Variants in KICS2 observed in about 807,000 individuals in gnomAD.
KICS2 encodes the protein KICSTOR subunit 2.
Under a neutral mutation model 31.4 loss-of-function variants are expected in KICS2, and 13 were observed. The ratio of observed to expected loss-of-function variants is 0.41; its 90% CI spans 0.27 to 0.66. KICS2 has a LOEUF of 0.66. KICS2 is among the 30% of genes least tolerant of loss of function. The pLI, the probability that KICS2 is intolerant of heterozygous loss-of-function variation, is 0.28. For missense variants in KICS2, 455 were observed against 545.4 expected (o/e 0.83, Z 1.65); for synonymous variants, 209 against 214.8 (o/e 0.97, Z 0.24).
At chr12:64,209,374 C>T (rs1322957075) in intron 2 of KICS2, among the ~76,000 whole-genome samples, 1 of 152,032 alleles carries the variant, frequency 6.6e-6, no homozygotes, top group African/African-American at 2.4e-5. Flanking sequence ...CACCTGAGGT[C>T]AGGGGTTCAA....
downstream of KICS2, chr12:64,186,684 C>T (rs1304574902): frequency 6.6e-6 from 1 of 152,138 alleles, no homozygotes; most frequent in Non-Finnish European, 1.5e-5. Context: ...GGGAGGTATG[C>T]AAGTAACAAG....
chr12:64,217,396 G>A (rs765646595), intron 1 of KICS2, among the ~76,000 whole-genome samples: 5 of 151,892 alleles, frequency 3.3e-5, no homozygotes, highest in Non-Finnish European at 7.4e-5. Flanking sequence ...TGGCTTCCCT[G>A]GGCCACATTA....
At chr12:64,198,959 G>C (rs373053054) in intron 2 of KICS2, among the ~76,000 whole-genome samples, 2 of 149,572 alleles carry the variant, frequency 1.3e-5, no homozygotes, top group African/African-American at 5.0e-5. Context: ...GGCAATAATC[G>C]ATAGTTTACC....
In KICS2 at chr12:64,222,263, C is replaced by G. The variant is rs2037692456; in HGVS notation, c.-26G>C. 1.9e-6 allele frequency: 3 copies of G among 1,610,076 alleles called. No individual in the cohort carries two copies. Among genetic ancestry groups the G allele is most frequent in the Admixed American group, 3.4e-5 (2 of 59,446 alleles). The stretch of plus-strand genomic sequence containing the variant: ...GCGAGCTGCGCCCCAGCTCGACCCA[C>G]GTGGCTCTCCTCGGCCTCGCACTTC... On this transcript the variant is annotated 5_prime_UTR_variant, in exon 1 of 3. Transcript: ENST00000398055.
chr12:64,192,559 C>A lies in KICS2; in HGVS notation c.*1283G>T. 1.0e-6 allele frequency: 1 copy of A among 972,208 alleles called. No homozygotes were observed. The highest frequency in any genetic ancestry group is 1.2e-6 in the Non-Finnish European group (1 of 817,944). The allele number at this position is 972,208 out of a possible 1,614,324, so 60.2% of individuals were successfully genotyped here. ...CACCCAGTAAAACAGTGGCTCCACA[C>A]AATCATGGGAAAAAAGACGAATATG... On this transcript the variant is annotated 3_prime_UTR_variant, in exon 3 of 3. Coordinates refer to ENST00000398055, the MANE Select transcript of KICS2 (RefSeq NM_152440.5).
At chr12:64,187,700 G>A (rs894841605), downstream of KICS2, 1 of 1,447,556 alleles carries the variant, frequency 6.9e-7, no homozygotes, top group African/African-American at 1.4e-5. Flanking sequence ...TAAACCTACA[G>A]GGCTTTTGTG....
downstream of KICS2, among the ~76,000 whole-genome samples, chr12:64,189,279 T>A (rs74097945): frequency 0.028 from 4,259 of 152,344 alleles, 205 homozygotes; most frequent in African/African-American, 0.097. Context: ...TTTGTAGATG[T>A]ATTCTGGCTA....
chr12:64,193,565 T>C lies in KICS2; in HGVS notation c.*277A>G. On this transcript the variant is annotated 3_prime_UTR_variant, in exon 3 of 3. Coordinates refer to ENST00000398055, the MANE Select transcript of KICS2 (RefSeq NM_152440.5). ...AAAAAAGCCCAATAAATATTCAATC[T>C]ACAAGAAATATAGCAAAATAGGGGA... 1 of 1,168,618 alleles carries C rather than the reference T, an allele frequency of 8.6e-7. No individual in the cohort carries two copies. Among genetic ancestry groups the C allele is most frequent in the Non-Finnish European group, 1.1e-6 (1 of 947,578 alleles). The allele number at this position is 1,168,618 out of a possible 1,614,324, so 72.4% of individuals were successfully genotyped here.
intron 2 of KICS2, among the ~76,000 whole-genome samples, chr12:64,196,024 AG>A (rs2037432889): frequency 6.6e-6 from 1 of 152,150 alleles, no homozygotes; most frequent in Non-Finnish European, 1.5e-5. Flanking sequence ...AGGCTGGGGG[AG>A]GGGCGCCCGC....
intron 2 of KICS2, among the ~76,000 whole-genome samples, chr12:64,213,960 ACT>A (rs892424841): frequency 1.3e-5 from 2 of 152,186 alleles, no homozygotes; most frequent in Non-Finnish European, 2.9e-5. Context: ...CTCCTATCCC[ACT>A]GTCTTGCAAC....
downstream of KICS2, chr12:64,187,415 A>G (rs2037346674): frequency 1.8e-6 from 1 of 560,384 alleles, no homozygotes; most frequent in South Asian, 2.5e-5. Flanking sequence ...TATTTTACAC[A>G]TACCCTACGG....
rs2037396700 is a variant in KICS2, at chr12:64,193,103, CAT to C, written c.*737_*738del. 4 of 985,348 alleles carry C rather than the reference CAT, an allele frequency of 4.1e-6. No individual in the cohort carries two copies. The highest frequency in any genetic ancestry group is 9.4e-5 in the South Asian group (2 of 21,294). The allele number at this position is 985,348 out of a possible 1,614,324, so 61.0% of individuals were successfully genotyped here. A position where few individuals can be genotyped will look rare whatever the true frequency, so the allele number is the denominator to read the frequency against. Reference sequence around the variant, plus strand: ...TATGCTGAAGAATGAAGAAAGCCCACATGATGGCTTATGCTGACTTTACAACA... The same window carrying C: ...TATGCTGAAGAATGAAGAAAGCCCACGATGGCTTATGCTGACTTTACAACA... On this transcript the variant is annotated 3_prime_UTR_variant, in exon 3 of 3. Transcript: ENST00000398055.
At position 64,192,639 on chromosome 12, in the gene KICS2, T is replaced by C; in HGVS notation, c.*1203A>G. 1 of 985,448 alleles carries C rather than the reference T, an allele frequency of 1.0e-6. No individual in the cohort carries two copies. The allele number at this position is 985,448 out of a possible 1,614,324, so 61.0% of individuals were successfully genotyped here. On this transcript the variant is annotated 3_prime_UTR_variant, in exon 3 of 3. Transcript: ENST00000398055. Reference sequence around the variant, plus strand: ...AACCATCAAACCAGTAACAACTCAATTACTCTTTGTGGCTTCTTTTTATTT... The same window carrying C: ...AACCATCAAACCAGTAACAACTCAACTACTCTTTGTGGCTTCTTTTTATTT...
rs554320590 is a variant in KICS2, at chr12:64,191,251, T to A, written c.*2591A>T. 2.8e-4 allele frequency: 43 copies of A among 152,346 alleles called. No homozygotes were observed. Among genetic ancestry groups the A allele is most frequent in the African/African-American group, 1.0e-3 (43 of 41,578 alleles). 9.4% of individuals were successfully genotyped at this position (152,346 alleles called of 1,614,324 possible). A position where few individuals can be genotyped will look rare whatever the true frequency, so the allele number is the denominator to read the frequency against. On this transcript the variant is annotated 3_prime_UTR_variant, in exon 3 of 3. Transcript: ENST00000398055. ...AAGAGCTTCAGAAATAATTTAAGTA[T>A]CAATATTCAATCTTCAAAAACTCTT...
intron 2 of KICS2, among the ~76,000 whole-genome samples, chr12:64,202,400 C>G (rs1357332802): frequency 1.5e-5 from 2 of 134,170 alleles, no homozygotes; most frequent in Non-Finnish European, 3.2e-5. Flanking sequence ...ACCCTGTCTC[C>G]AAAAAAAAAA....
At chr12:64,211,071 G>A (rs1433096631) in intron 2 of KICS2, among the ~76,000 whole-genome samples, 2 of 152,092 alleles carry the variant, frequency 1.3e-5, no homozygotes, top group Non-Finnish European at 2.9e-5. Flanking sequence ...TAAGCTTCCC[G>A]AAGAGTTCAG....
chr12:64,202,566 TAG>T (rs2037499836), intron 2 of KICS2, among the ~76,000 whole-genome samples: 1 of 150,850 alleles, frequency 6.6e-6, no homozygotes, highest in Non-Finnish European at 1.5e-5. Flanking sequence ...AAGGAGTGAA[TAG>T]AGGAGGCAGC....
downstream of KICS2, among the ~76,000 whole-genome samples, chr12:64,190,783 T>C (rs150977341): frequency 3.0e-3 from 460 of 152,086 alleles, 2 homozygotes; most frequent in African/African-American, 9.6e-3. Context: ...AGAAAAGTAT[T>C]TGGACACATT....
At position 64,193,439 on chromosome 12, in the gene KICS2, T is replaced by G. The variant is rs1331121005; in HGVS notation, c.*403A>C. 70 of 993,938 alleles carry G rather than the reference T, an allele frequency of 7.0e-5. No individual in the cohort carries two copies. Among genetic ancestry groups the G allele is most frequent in the Non-Finnish European group, 8.3e-5 (69 of 835,960 alleles). 61.6% of individuals were successfully genotyped at this position (993,938 alleles called of 1,614,324 possible). ...TTAATTCTAAAAAGGCCATTTAATA[T>G]CTCATCCCTATTACTCTTCCAAGAA... is the stretch of plus-strand genomic sequence containing the variant. On this transcript the variant is annotated 3_prime_UTR_variant, in exon 3 of 3. Transcript: ENST00000398055.
Sources: gnomAD v4.1 joint callset for allele counts (sites outside exome capture counted in the v4.1 genomes callset) on GRCh38, gnomAD v4.1.1 for gene constraint, MANE v1.5 for transcripts, NCBI Gene and HGNC (gene_info 2026-07-23, HGNC 2026-07-21) for gene names.